IQSEC1: variants seen among roughly 807,000 people sequenced by gnomAD.
The protein encoded by IQSEC1 is IQ motif and SEC7 domain-containing protein 1.
In IQSEC1, 31 loss-of-function variants were observed where a neutral mutation model predicts 91.0. The observed-to-expected ratio is 0.34, with a 90% CI of 0.26 to 0.46. The LOEUF is 0.46. Ranked by LOEUF, IQSEC1 falls within the 20% of genes least tolerant of loss-of-function variation. The pLI is 1.00. For synonymous variants in IQSEC1, 699 were observed against 662.6 expected (o/e 1.05, Z -0.84); for missense variants, 1,388 against 1,575.6 (o/e 0.88, Z 2.02).
intron 1 of IQSEC1, among the ~76,000 whole-genome samples, chr3:13,200,829 CTG>C (rs1457602356): frequency 6.6e-6 from 1 of 152,226 alleles, no homozygotes; most frequent in Non-Finnish European, 1.5e-5. Flanking sequence ...CTAAACCTCT[CTG>C]TGCTTCCTTG....
In IQSEC1 at chr3:13,257,430, T is replaced by A. The variant is rs565593311; in HGVS notation, c.272+25281A>T. On this transcript the variant is annotated intron_variant, in intron 1 of 15. Transcript: ENST00000648114. The stretch of plus-strand genomic sequence containing the variant: ...CCCACATTTGGTGACCTCGCTAGGC[T>A]CCCTCACATGGCCCTCCTAGCTGAG... Among the ~76,000 whole-genome samples the A allele has an allele frequency of 2.6e-5, 4 of 152,220 alleles. No individual in the cohort carries two copies. In the East Asian group the frequency reaches 7.7e-4, roughly 29 times the overall value.
chr3:12,912,646 G>C (rs1026383054), intron 9 of IQSEC1, among the ~76,000 whole-genome samples: 1 of 146,346 alleles, frequency 6.8e-6, no homozygotes, highest in African/African-American at 2.5e-5. Context: ...AGTCCCGCCT[G>C]GGCGACAGAG....
At position 13,113,583 on chromosome 3, in the gene IQSEC1, GC is replaced by G. The variant is rs10564906; in HGVS notation, c.302+50520del. 6.0e-5 allele frequency among the ~76,000 whole-genome samples: 3 copies of G among 50,272 alleles called. No individual in the cohort carries two copies. In the East Asian group the frequency reaches 1.7e-3, roughly 29 times the overall value. 33.0% of individuals were successfully genotyped at this position (50,272 alleles called of 152,430 possible). A position where few individuals can be genotyped will look rare whatever the true frequency, so the allele number is the denominator to read the frequency against. ...TGCCCTGGGCATAGGGAGGTGGGGC[GC>G]GGAGAGAAGACGAGGCCTCCACCCT... On this transcript the variant is annotated intron_variant, in intron 2 of 15. Transcript: ENST00000648114.
At chr3:13,027,420 C>T (rs553037060) in intron 1 of IQSEC1, among the ~76,000 whole-genome samples, 5 of 152,202 alleles carry the variant, frequency 3.3e-5, no homozygotes, top group Non-Finnish European at 5.9e-5. Context: ...AGTTGCCAGA[C>T]TTGGCCTGCA....
At chr3:12,969,064 A>G (rs959086240) in intron 1 of IQSEC1, among the ~76,000 whole-genome samples, 2 of 152,192 alleles carry the variant, frequency 1.3e-5, no homozygotes, top group East Asian at 3.9e-4. Context: ...GCAGGAACCC[A>G]GTGCCCCTTC....
intron 1 of IQSEC1, among the ~76,000 whole-genome samples, chr3:13,049,654 C>G (rs1462457982): frequency 6.6e-6 from 1 of 152,154 alleles, no homozygotes; most frequent in Non-Finnish European, 1.5e-5. Context: ...TACCTTGCAC[C>G]CTCCCTCAGC....
intron 12 of IQSEC1, among the ~76,000 whole-genome samples, chr3:12,903,551 C>T (rs184730204): frequency 1.6e-4 from 25 of 152,370 alleles, no homozygotes; most frequent in Admixed American, 7.8e-4. Context: ...ATCTTCGTCA[C>T]GCCCCAGCGC....
At chr3:13,178,404 C>T (rs1233795185) in intron 1 of IQSEC1, among the ~76,000 whole-genome samples, 1 of 152,232 alleles carries the variant, frequency 6.6e-6, no homozygotes, top group African/African-American at 2.4e-5. Flanking sequence ...GGGCTCTCAG[C>T]CCAGTGCCTT....
intron 1 of IQSEC1, among the ~76,000 whole-genome samples, chr3:13,048,374 A>T (rs900644322): frequency 6.6e-6 from 1 of 152,190 alleles, no homozygotes; most frequent in African/African-American, 2.4e-5. Flanking sequence ...GGGGAGCATC[A>T]GCTATGACAC....
At chr3:12,926,809 T>C (rs1429352277) in intron 3 of IQSEC1, among the ~76,000 whole-genome samples, 1 of 152,188 alleles carries the variant, frequency 6.6e-6, no homozygotes, top group Non-Finnish European at 1.5e-5. Flanking sequence ...AAAGGAAGCC[T>C]CCTGGCTGCA....
At chr3:13,221,800 C>T (rs1694665769) in intron 1 of IQSEC1, among the ~76,000 whole-genome samples, 1 of 152,280 alleles carries the variant, frequency 6.6e-6, no homozygotes, top group Non-Finnish European at 1.5e-5. Flanking sequence ...AACTCCCCTG[C>T]AGTCAGCGAT....
At chr3:13,243,115 G>A (rs1270911786) in intron 1 of IQSEC1, among the ~76,000 whole-genome samples, 2 of 152,140 alleles carry the variant, frequency 1.3e-5, no homozygotes, top group Non-Finnish European at 2.9e-5. Context: ...GTAAATCCAG[G>A]TGAAGTCCCT....
chr3:12,979,751 G>A lies in IQSEC1; in HGVS notation c.24-37886C>T, dbSNP rs978743935. 3.9e-5 allele frequency among the ~76,000 whole-genome samples: 6 copies of A among 152,064 alleles called. No individual in the cohort carries two copies. Among genetic ancestry groups the A allele is most frequent in the African/African-American group, 1.5e-4 (6 of 41,332 alleles). ...TCATCAGAAGGGCGGAAAGAGCACC[G>A]GAAGGAGAACTCTCTCTCATGTTCC... is the stretch of plus-strand genomic sequence containing the variant. On this transcript the variant is annotated intron_variant, in intron 1 of 13. Transcript: ENST00000613206. This position sits in a 1 kb window ranked among gnomAD's most constrained non-coding sequence, Gnocchi z 4.3.
chr3:13,147,408 C>T (rs1220018698), intron 2 of IQSEC1, among the ~76,000 whole-genome samples: 4 of 143,956 alleles, frequency 2.8e-5, no homozygotes, highest in Non-Finnish European at 4.5e-5. Flanking sequence ...TAAGTGAGAA[C>T]ATGGCAGTTT....
intron 1 of IQSEC1, among the ~76,000 whole-genome samples, chr3:13,201,750 C>T (rs1694250730): frequency 6.6e-6 from 1 of 152,224 alleles, no homozygotes; most frequent in African/African-American, 2.4e-5. Flanking sequence ...TGATTCAAGA[C>T]CAAAGCTTTG....
Position 12,941,638 on chromosome 3 carries a change from T to G in IQSEC1, c.251A>C (p.Glu84Ala). ...GAGTGAGCGTGAGCGCTTGATGGCC[T>G]CCTCCTCAGCCTGCTTGCGCAGGAT... is the stretch of plus-strand genomic sequence containing the variant. Reference protein sequence around the residue: ...TSILRKQAEEEAIKRSRSLSE... With the variant: ...TSILRKQAEEAAIKRSRSLSE... Residue 84 changes from glutamate (E) to alanine (A), a missense_variant, in exon 2 of 14, where the codon GAG becomes GCG. Around this residue, in one of 2 missense-constraint regions of IQSEC1, gnomAD observed 1,059 missense variants for 1,317.8 expected, o/e 0.80. Transcript: ENST00000613206. 6.2e-7 allele frequency: 1 copy of G among 1,612,206 alleles called. No homozygotes were observed. Among genetic ancestry groups the G allele is most frequent in the Non-Finnish European group, 8.5e-7 (1 of 1,179,420 alleles).
rs1166849531 is a variant in IQSEC1 at position 12,900,923 on chromosome 3, G to A, written c.*60C>T. ...GTTTGGTGTGCGGCTGGCGACCCCC[G>A]GGCGTGCCCTGTGTGGTGTGCAGGT... On this transcript the variant is annotated 3_prime_UTR_variant, in exon 14 of 14. Transcript: ENST00000613206. 30 of 1,537,010 alleles carry A rather than the reference G, an allele frequency of 2.0e-5. No homozygotes were observed. Among genetic ancestry groups the A allele is most frequent in the Admixed American group, 9.8e-5 (5 of 50,978 alleles).
At chr3:13,098,049 T>C (rs1470555463) in intron 2 of IQSEC1, among the ~76,000 whole-genome samples, 2 of 152,234 alleles carry the variant, frequency 1.3e-5, no homozygotes, top group Non-Finnish European at 2.9e-5. Flanking sequence ...TCTGGGGCAG[T>C]GGTGCCCTCA....
chr3:12,962,752 G>A (rs111852237), intron 1 of IQSEC1, among the ~76,000 whole-genome samples: 1,978 of 152,362 alleles, frequency 0.013, 30 homozygotes, highest in South Asian at 0.083. Flanking sequence ...GAGCCTGCAA[G>A]TGCAAAGGAC....
Sources: gnomAD v4.1 joint callset for allele counts (sites outside exome capture counted in the v4.1 genomes callset) on GRCh38, gnomAD v4.1.1 for gene constraint, gnomAD v4.1.1 regional missense constraint, Gnocchi (gnomAD v3.1) non-coding constraint, MANE v1.5 for transcripts, NCBI Gene and HGNC (gene_info 2026-07-23, HGNC 2026-07-21) for gene names.